Variants in QTGAL observed in about 807,000 individuals in gnomAD.
The protein encoded by QTGAL is queuosine-tRNA galactosyltransferase.
the QTGAL span, chr17:83,011,585 T>C: frequency 6.6e-6 from 1 of 152,204 alleles, no homozygotes; most frequent in Non-Finnish European, 1.5e-5. Flanking sequence ...TGACTTTGTT[T>C]TAGTGAAACA....
the QTGAL span, among the ~76,000 whole-genome samples, chr17:83,008,935 C>G: frequency 6.6e-6 from 1 of 152,182 alleles, no homozygotes; most frequent in Non-Finnish European, 1.5e-5. Context: ...CGAATGGAGA[C>G]AAGCGGCCCT....
the QTGAL span, among the ~76,000 whole-genome samples, chr17:83,042,987 G>A: frequency 5.3e-5 from 8 of 152,184 alleles, no homozygotes; most frequent in Non-Finnish European, 7.3e-5. Context: ...GATATAACAA[G>A]CATAAAACTG....
the QTGAL span, among the ~76,000 whole-genome samples, chr17:82,983,873 C>T: frequency 5.3e-5 from 8 of 152,202 alleles, no homozygotes; most frequent in African/African-American, 1.9e-4. Context: ...GCTAAGGTTA[C>T]GTGAGTCCCA....
the QTGAL span, among the ~76,000 whole-genome samples, chr17:82,999,863 G>C: frequency 6.6e-6 from 1 of 152,146 alleles, no homozygotes; most frequent in South Asian, 2.1e-4. Context: ...CTGTGTATGG[G>C]TCCTAGGGTG....
the QTGAL span, among the ~76,000 whole-genome samples, chr17:82,952,621 T>C: frequency 6.6e-6 from 1 of 152,300 alleles, no homozygotes; most frequent in African/African-American, 2.4e-5. Flanking sequence ...TGGGAGACTT[T>C]AACACCCCAC....
chr17:83,034,811 T>C, the QTGAL span, among the ~76,000 whole-genome samples: 1 of 152,246 alleles, frequency 6.6e-6, no homozygotes, highest in Admixed American at 6.5e-5. Context: ...CTGTGAGACC[T>C]GCCCGGACAC....
At chr17:82,982,248 A>G in the QTGAL span, among the ~76,000 whole-genome samples, 1 of 152,242 alleles carries the variant, frequency 6.6e-6, no homozygotes, top group Non-Finnish European at 1.5e-5. Context: ...GTGTCAGTTC[A>G]TCTGCGACTT....
chr17:82,992,796 A>C, the QTGAL span, among the ~76,000 whole-genome samples: 2 of 152,216 alleles, frequency 1.3e-5, no homozygotes, highest in Non-Finnish European at 2.9e-5. Context: ...TAGAAACAAC[A>C]AAAAGTTAAA....
the QTGAL span, among the ~76,000 whole-genome samples, chr17:83,009,378 C>T: frequency 7.9e-5 from 12 of 151,918 alleles, no homozygotes; most frequent in African/African-American, 2.7e-4. Context: ...GAGCCGAGAC[C>T]GTACCCCTGC....
chr17:83,051,640 G>A, the QTGAL span: 267 of 1,205,916 alleles, frequency 2.2e-4, no homozygotes, highest in Non-Finnish European at 2.8e-4. Flanking sequence ...GGCGGTGCGG[G>A]GCTGCGAACC....
chr17:83,014,788 A>C, the QTGAL span, among the ~76,000 whole-genome samples: 1 of 152,272 alleles, frequency 6.6e-6, no homozygotes, highest in Non-Finnish European at 1.5e-5. Context: ...TAGACAATCC[A>C]ACAGCAAAAC....
At chr17:83,020,617 AGCCCACCT>A in the QTGAL span, among the ~76,000 whole-genome samples, 13 of 152,348 alleles carry the variant, frequency 8.5e-5, no homozygotes, top group African/African-American at 3.1e-4. Flanking sequence ...CCAGGCCACC[AGCCCACCT>A]GCCCATCGGG....
chr17:82,973,907 G>C, the QTGAL span, among the ~76,000 whole-genome samples: 3 of 152,178 alleles, frequency 2.0e-5, no homozygotes, highest in Non-Finnish European at 4.4e-5. Context: ...GGACAGGAGA[G>C]AGTGGCAGAG....
the QTGAL span, among the ~76,000 whole-genome samples, chr17:82,950,682 C>T: frequency 6.6e-6 from 1 of 152,236 alleles, no homozygotes; most frequent in African/African-American, 2.4e-5. Flanking sequence ...GGAATGACTC[C>T]TGGACCCACG....
chr17:82,959,140 T>C, the QTGAL span, among the ~76,000 whole-genome samples: 1 of 151,876 alleles, frequency 6.6e-6, no homozygotes, highest in African/African-American at 2.4e-5. Context: ...ATGTTGTGTG[T>C]GCACAGTGTG....
chr17:82,992,375 C>T, the QTGAL span, among the ~76,000 whole-genome samples: 4 of 152,330 alleles, frequency 2.6e-5, no homozygotes, highest in Middle Eastern at 3.4e-3. Flanking sequence ...AGAAACTTTA[C>T]AGGTCAGTCT....
chr17:83,006,376 T>G, the QTGAL span: 3 of 985,308 alleles, frequency 3.0e-6, no homozygotes, highest in East Asian at 1.1e-4. This position sits in a 1 kb window ranked among gnomAD's most constrained non-coding sequence, Gnocchi z 5.8. Flanking sequence ...GTTGTTGTTG[T>G]TTTTTAATTA....
the QTGAL span, among the ~76,000 whole-genome samples, chr17:83,049,325 AG>A: frequency 9.2e-5 from 14 of 152,048 alleles, no homozygotes; most frequent in African/African-American, 3.1e-4. Context: ...GTAAATCATG[AG>A]TTTTCCAATC....
At chr17:83,039,749 G>T in the QTGAL span, among the ~76,000 whole-genome samples, 3 of 152,244 alleles carry the variant, frequency 2.0e-5, no homozygotes, top group African/African-American at 7.2e-5. Context: ...GGCAGAGCGA[G>T]GTGGCCGTGG....
Sources: allele counts gnomAD v4.1 joint callset (sites outside exome capture counted in the v4.1 genomes callset), GRCh38; gene constraint gnomAD v4.1.1; non-coding constraint Gnocchi (gnomAD v3.1); transcripts MANE v1.5; gene names NCBI Gene and HGNC (gene_info 2026-07-23, HGNC 2026-07-21).